SBF2: variants seen among roughly 807,000 people sequenced by gnomAD.
SBF2 encodes myotubularin-related protein 13.
A neutral mutation model predicts 225.2 loss-of-function variants in SBF2; 112 were observed. The ratio of observed to expected loss-of-function variants is 0.50; its 90% CI spans 0.43 to 0.58. The LOEUF (loss-of-function observed/expected upper bound fraction) is 0.58. SBF2 is among the 20% of genes least tolerant of loss of function. The probability of loss-of-function intolerance (pLI) is 0.00; values close to 1 mark genes in which losing one functional copy is unlikely to be tolerated. For synonymous variants in SBF2, 763 were observed against 773.3 expected (o/e 0.99, Z 0.22); for missense variants, 1,996 against 2,206.2 (o/e 0.90, Z 1.91).
intron 32 of SBF2, among the ~76,000 whole-genome samples, chr11:9,807,066 C>A (rs1430512777): frequency 6.6e-6 from 1 of 152,166 alleles, no homozygotes; most frequent in Non-Finnish European, 1.5e-5. Flanking sequence ...TCTTTCCAAT[C>A]GATATTTGAG....
At chr11:10,200,476 T>C (rs1483701176) in intron 1 of SBF2, among the ~76,000 whole-genome samples, 5 of 152,224 alleles carry the variant, frequency 3.3e-5, no homozygotes, top group African/African-American at 1.2e-4. Flanking sequence ...TTAAGGTCTC[T>C]TGGTGGCCAC....
At chr11:10,018,792 A>T (rs1948739586) in intron 6 of SBF2, among the ~76,000 whole-genome samples, 1 of 152,334 alleles carries the variant, frequency 6.6e-6, no homozygotes, top group South Asian at 2.1e-4. Flanking sequence ...CGGTTTCTTT[A>T]TAGAACTAGC....
intron 32 of SBF2, among the ~76,000 whole-genome samples, chr11:9,803,817 G>A (rs1183825266): frequency 1.3e-5 from 2 of 152,098 alleles, no homozygotes; most frequent in Non-Finnish European, 2.9e-5. Flanking sequence ...ACACAGCACT[G>A]GGCCAAAGCA....
intron 2 of SBF2, among the ~76,000 whole-genome samples, chr11:10,131,866 C>T (rs904060901): frequency 2.0e-5 from 3 of 152,184 alleles, no homozygotes; most frequent in African/African-American, 7.2e-5. Flanking sequence ...AATTTTAATA[C>T]ATTCCAATTT....
intron 2 of SBF2, among the ~76,000 whole-genome samples, chr11:10,100,639 T>A (rs1952253202): frequency 1.3e-5 from 2 of 152,104 alleles, no homozygotes; most frequent in Admixed American, 1.3e-4. Flanking sequence ...CTATGAGGTA[T>A]CTGGTTTGGT....
chr11:10,145,022 A>T (rs1005308438), intron 2 of SBF2, among the ~76,000 whole-genome samples: 1 of 152,226 alleles, frequency 6.6e-6, no homozygotes, highest in African/African-American at 2.4e-5. Context: ...ACATAGCTTA[A>T]ATTAAGGATC....
intron 1 of SBF2, among the ~76,000 whole-genome samples, chr11:10,212,980 C>T (rs866593933): frequency 6.6e-6 from 1 of 151,368 alleles, no homozygotes. Flanking sequence ...ACCCGGGAGG[C>T]GGAGGTTGCA....
chr11:9,829,559 TCTATCTATCTATCTAC>T, intron 27 of SBF2, 63 bp from the exon 28 acceptor site: 4 of 1,286,064 alleles, frequency 3.1e-6, no homozygotes, highest in South Asian at 2.4e-5. Context: ...CAAGTATCTA[TCTATCTATCTATCTAC>T]CTATCTATCT....
At chr11:10,163,864 A>G (rs1955848809) in intron 2 of SBF2, among the ~76,000 whole-genome samples, 1 of 152,220 alleles carries the variant, frequency 6.6e-6, no homozygotes, top group African/African-American at 2.4e-5. Context: ...TACCAAGTGG[A>G]GAAGCCAGAA....
intron 33 of SBF2, among the ~76,000 whole-genome samples, chr11:9,793,589 C>A (rs571570568): frequency 6.6e-6 from 1 of 152,058 alleles, no homozygotes; most frequent in Non-Finnish European, 1.5e-5. Flanking sequence ...GGGGTTTCGC[C>A]GTGTTGGCCA....
chr11:10,039,108 T>C (rs559619605), intron 3 of SBF2, among the ~76,000 whole-genome samples: 1 of 152,014 alleles, frequency 6.6e-6, no homozygotes, highest in East Asian at 1.9e-4. Context: ...ATTTTTAAAG[T>C]TGCACAATCA....
intron 1 of SBF2, among the ~76,000 whole-genome samples, chr11:10,266,933 A>G (rs914282967): frequency 2.6e-5 from 4 of 152,174 alleles, no homozygotes; most frequent in Admixed American, 6.5e-5. Context: ...TACCGAAAAT[A>G]TAATACAAAA....
intron 1 of SBF2, among the ~76,000 whole-genome samples, chr11:10,214,931 G>A (rs7937758): frequency 0.6 from 91,542 of 152,012 alleles, 28,629 homozygotes; most frequent in East Asian, 0.95. Context: ...GGAAAAAGTA[G>A]AGAGGCAGGG....
chr11:10,214,035 A>G (rs1451969293), intron 1 of SBF2, among the ~76,000 whole-genome samples: 8 of 152,258 alleles, frequency 5.3e-5, no homozygotes, highest in African/African-American at 1.9e-4. Flanking sequence ...TGTTCTAACC[A>G]TAACTTCAGC....
intron 13 of SBF2, among the ~76,000 whole-genome samples, chr11:9,975,388 C>T (rs1946635965): frequency 6.6e-6 from 1 of 152,122 alleles, no homozygotes; most frequent in Admixed American, 6.6e-5. Flanking sequence ...TGAAGCTAAA[C>T]TCAAAAAACT....
intron 35 of SBF2, 47 bp downstream of exon 35, chr11:9,789,062 C>T: frequency 6.5e-7 from 1 of 1,547,136 alleles, no homozygotes; most frequent in South Asian, 1.1e-5. Context: ...GCCCTCATGC[C>T]TCCAGGGCCC....
In SBF2 at chr11:9,826,731, A is replaced by ATATG. The variant is rs1491588627; in HGVS notation, c.3793+2624_3793+2625insCATA. Among the ~76,000 whole-genome samples the ATATG allele has an allele frequency of 3.9e-4, 25 of 64,934 alleles. No individual in the cohort carries two copies. The South Asian group carries it at 5.7e-3, about 15-fold the overall frequency. The allele number at this position is 64,934 out of a possible 152,430, so 42.6% of individuals were successfully genotyped here. A position where few individuals can be genotyped will look rare whatever the true frequency, so the allele number is the denominator to read the frequency against. On this transcript the variant is annotated intron_variant, in intron 28 of 39. Coordinates refer to ENST00000256190, the MANE Select transcript of SBF2 (RefSeq NM_030962.4). Reference sequence around the variant, plus strand: ...GTGGTGTGTATATATATATATATATATGTGTGTGTGTGTGTGTGTATGTGT... The same window carrying ATATG: ...GTGGTGTGTATATATATATATATATATATGTGTGTGTGTGTGTGTGTGTATGTGT...
At chr11:9,962,733 TTAG>T (rs1398126291) in intron 15 of SBF2, among the ~76,000 whole-genome samples, 1 of 152,208 alleles carries the variant, frequency 6.6e-6, no homozygotes, top group Non-Finnish European at 1.5e-5. Flanking sequence ...CATGTAGGAC[TTAG>T]TTAATTTACT....
At chr11:10,086,151 T>C (rs1438342380) in intron 2 of SBF2, among the ~76,000 whole-genome samples, 1 of 151,872 alleles carries the variant, frequency 6.6e-6, no homozygotes, top group Non-Finnish European at 1.5e-5. Flanking sequence ...TCCTTTTTCT[T>C]CTTTATACAA....
Sources: gnomAD v4.1 joint callset for allele counts (sites outside exome capture counted in the v4.1 genomes callset) on GRCh38, gnomAD v4.1.1 for gene constraint, MANE v1.5 for transcripts, NCBI Gene and HGNC (gene_info 2026-07-23, HGNC 2026-07-21) for gene names.